ABCA4: variants seen among roughly 807,000 people sequenced by gnomAD.
ABCA4 encodes ATP binding cassette subfamily A member 4.
In ABCA4, 196 loss-of-function variants were observed where a neutral mutation model predicts 263.7. That is an observed-to-expected ratio of 0.74 (90% CI 0.66 to 0.84). The LOEUF (loss-of-function observed/expected upper bound fraction) is 0.84. Among genes scored for constraint, ABCA4 ranks in the 40% least tolerant of loss-of-function variants. ABCA4 has a pLI of 0.00. For missense variants in ABCA4, 2,792 were observed against 2,855.1 expected, an observed-to-expected ratio of 0.98 and a Z score of 0.50; for synonymous variants, 1,133 against 1,094.2, an observed-to-expected ratio of 1.04 and a Z score of -0.70.
chr1:94,062,864 G>A lies in ABCA4; in HGVS notation c.1761-111C>T, dbSNP rs1007853992. On this transcript the variant is annotated intron_variant, in intron 12 of 49. Transcript: ENST00000370225. The stretch of plus-strand genomic sequence containing the variant: ...TTCTCTTAAAATCTTTCTCCTAAAC[G>A]CTTCAAAAGGATCCAATTCTATTTC... 2.5e-5 allele frequency: 31 copies of A among 1,234,772 alleles called. No individual in the cohort carries two copies. The Admixed American group carries it at 3.2e-4, about 13-fold the overall frequency. The allele number at this position is 1,234,772 out of a possible 1,614,324, so 76.5% of individuals were successfully genotyped here. A position where few individuals can be genotyped will look rare whatever the true frequency, so the allele number is the denominator to read the frequency against.
At chr1:94,007,950 AAAC>A (rs1485656358) in intron 42 of ABCA4, among the ~76,000 whole-genome samples, 1 of 152,222 alleles carries the variant, frequency 6.6e-6, no homozygotes, top group Non-Finnish European at 1.5e-5. Context: ...AAAGACTTAA[AAAC>A]AACGAGAAAT....
chr1:94,092,383 A>G (rs1339716025), intron 6 of ABCA4, among the ~76,000 whole-genome samples: 2 of 152,220 alleles, frequency 1.3e-5, no homozygotes, highest in East Asian at 1.9e-4. Context: ...TTGCTAGGCA[A>G]CTGGGAGAAT....
intron 1 of ABCA4, among the ~76,000 whole-genome samples, chr1:94,120,232 T>A (rs1322428611): frequency 6.6e-6 from 1 of 152,184 alleles, no homozygotes; most frequent in East Asian, 1.9e-4. Flanking sequence ...GCTCTTGGTC[T>A]CCAAACGTAC....
At chr1:94,045,241 G>C (rs188922103) in intron 19 of ABCA4, among the ~76,000 whole-genome samples, 1 of 151,724 alleles carries the variant, frequency 6.6e-6, no homozygotes, top group Non-Finnish European at 1.5e-5. Context: ...TTAATTGATC[G>C]AAGCCAGGCA....
At chr1:94,059,444 G>A (rs776461127) in intron 14 of ABCA4, 3 of 152,178 alleles carry the variant, frequency 2.0e-5, no homozygotes, top group Non-Finnish European at 2.9e-5. Flanking sequence ...ACTGGATCAT[G>A]GAGCAACATT....
chr1:94,091,925 C>G (rs1661980844), intron 6 of ABCA4, among the ~76,000 whole-genome samples: 1 of 152,202 alleles, frequency 6.6e-6, no homozygotes, highest in South Asian at 2.1e-4. Flanking sequence ...TCCCTTGGGA[C>G]TGTGTAATAT....
Position 94,062,568 on chromosome 1 carries a change from C to T in ABCA4, c.1937+9G>A. The T allele has an allele frequency of 6.4e-7, 1 of 1,572,838 alleles. No homozygotes were observed. On this transcript the variant is annotated intron_variant, in intron 13 of 49. Transcript: ENST00000370225. ...TGTCATGGAGGAGGATCGCGAACTT[C>T]AGACTCACGAATCGTCCACGAAGCA...
intron 7 of ABCA4, among the ~76,000 whole-genome samples, chr1:94,081,591 C>CGT (rs1174152091): frequency 1.3e-5 from 2 of 151,930 alleles, no homozygotes; most frequent in African/African-American, 4.8e-5. Flanking sequence ...GTGGTTTTCT[C>CGT]GTGTGTGTGT....
Position 94,098,985 on chromosome 1 carries a change from G to C in ABCA4, c.577C>G (p.His193Asp). The C allele has an allele frequency of 6.2e-7, 1 of 1,606,932 alleles. No individual in the cohort carries two copies. Among genetic ancestry groups the C allele is most frequent in the East Asian group, 2.2e-5 (1 of 44,852 alleles). The part of the protein sequence containing the change: ...NSQVRPEQFA[H>D]GVPDLALKDI... ...TTCAGCGCCAGGTCCGGGACTCCAT[G>C]AGCGAACTGCAGGGAGAAGAGGCAA... is the stretch of plus-strand genomic sequence containing the variant. Residue 193 changes from histidine (H) to aspartate (D), a missense_variant, in exon 6 of 50, where the codon CAT becomes GAT. Transcript: ENST00000370225.
At chr1:94,062,495 G>C (rs1453695444) in intron 13 of ABCA4, 82 bp downstream of exon 13, 1 of 1,547,796 alleles carries the variant, frequency 6.5e-7, no homozygotes, top group Non-Finnish European at 8.9e-7. Context: ...TGGAAGCCTT[G>C]AGGGCACCCC....
intron 4 of ABCA4, among the ~76,000 whole-genome samples, chr1:94,104,914 T>G (rs932129576): frequency 6.6e-6 from 1 of 152,032 alleles, no homozygotes; most frequent in African/African-American, 2.4e-5. Context: ...ATACACAGCC[T>G]TGTACACTCT....
Position 94,098,870 on chromosome 1 carries a change from G to A in ABCA4, c.692C>T (p.Ser231Phe), listed in dbSNP as rs1425185788. The A allele has an allele frequency of 6.2e-7, 1 of 1,614,122 alleles. No individual in the cohort carries two copies. The highest frequency in any genetic ancestry group is 8.5e-7 in the Non-Finnish European group (1 of 1,180,020). Residue 231 changes from serine to phenylalanine, a missense_variant, in exon 6 of 50, where the codon TCC becomes TTC. Physicochemically the swap from Ser to Phe is radical, Grantham distance 155. Transcript: ENST00000370225. ...CCACTGTAGGGTGCCCTGGGAGAGG[G>A]AGCACAGGGCATAGCGCACCGTCTT... ...GAKTVRYALC[S>F]LSQGTLQWIE...
In ABCA4 at chr1:94,001,983, A is replaced by G. The variant is rs774264864; in HGVS notation, c.6157T>C (p.Trp2053Arg). 1.9e-6 allele frequency: 3 copies of G among 1,614,038 alleles called. No homozygotes were observed. In the African/African-American group the frequency reaches 4.0e-5, roughly 22 times the overall value. Residue 2053 changes from tryptophan (W) to arginine (R), a missense_variant, in exon 45 of 50, where the codon TGG becomes CGG. Physicochemically the swap from Trp to Arg is moderately radical, Grantham distance 101. Coordinates refer to ENST00000370225, the MANE Select transcript of ABCA4 (RefSeq NM_000350.3). ...PAEEIEKVAN[W>R]SIKSLGLTVY... ...GTCAGGCCCAGGCTCTTAATACTCCAGTTTGCAACCTAGGGAAGAGAAAGA... is the reference window on the plus strand; with the variant it reads ...GTCAGGCCCAGGCTCTTAATACTCCGGTTTGCAACCTAGGGAAGAGAAAGA...
At chr1:94,106,105 C>T (rs973060667) in intron 4 of ABCA4, among the ~76,000 whole-genome samples, 1 of 152,228 alleles carries the variant, frequency 6.6e-6, no homozygotes, top group Non-Finnish European at 1.5e-5. Flanking sequence ...CCTCTCACAG[C>T]CTCTAAGGCC....
Position 94,077,738 on chromosome 1 carries a change from T to TATGTCCCTCCAGTCGAAGTTGGCC in ABCA4, c.1482_1505dup (p.Met494_Asp501dup). Reference sequence around the variant, plus strand: ...GGAGGGTGCGATCAGTGATGTTAAATATGTCCCTCCAGTCGAAGTTGGCCA... The same window carrying TATGTCCCTCCAGTCGAAGTTGGCC: ...GGAGGGTGCGATCAGTGATGTTAAATATGTCCCTCCAGTCGAAGTTGGCCATGTCCCTCCAGTCGAAGTTGGCCA... On this transcript the variant is annotated inframe_insertion, in exon 11 of 50. Coordinates refer to ENST00000370225, the MANE Select transcript of ABCA4 (RefSeq NM_000350.3). The TATGTCCCTCCAGTCGAAGTTGGCC allele has an allele frequency of 6.2e-7, 1 of 1,614,190 alleles. No homozygotes were observed. Among genetic ancestry groups the TATGTCCCTCCAGTCGAAGTTGGCC allele is most frequent in the South Asian group, 1.1e-5 (1 of 91,074 alleles).
chr1:94,082,124 T>C (rs1661717364), intron 7 of ABCA4, among the ~76,000 whole-genome samples: 1 of 152,220 alleles, frequency 6.6e-6, no homozygotes, highest in South Asian at 2.1e-4. Flanking sequence ...ATAATCACCA[T>C]CTATGCTTCA....
chr1:94,112,849 A>G (rs1662647175), intron 2 of ABCA4, 124 bp downstream of exon 2: 2 of 772,844 alleles, frequency 2.6e-6, no homozygotes, highest in Admixed American at 1.9e-5. Flanking sequence ...TGTTACATGC[A>G]TCATAGACAT....
intron 27 of ABCA4, among the ~76,000 whole-genome samples, chr1:94,031,428 T>C (rs1204634056): frequency 1.3e-5 from 2 of 152,192 alleles, no homozygotes; most frequent in Non-Finnish European, 2.9e-5. Context: ...AGCTTCTTTT[T>C]CTAAATTAAA....
chr1:94,120,481 A>T (rs1662917671), intron 1 of ABCA4, among the ~76,000 whole-genome samples: 2 of 152,204 alleles, frequency 1.3e-5, no homozygotes, highest in South Asian at 4.1e-4. Context: ...CTGTGACTTG[A>T]TCGTGAGCTG....
Sources: allele counts gnomAD v4.1 joint callset (sites outside exome capture counted in the v4.1 genomes callset), GRCh38; gene constraint gnomAD v4.1.1; transcripts MANE v1.5; gene names NCBI Gene and HGNC (gene_info 2026-07-23, HGNC 2026-07-21).